The following HCLS1 variants were observed in gnomAD, a reference collection of about 807,000 sequenced individuals.
The protein encoded by HCLS1 is hematopoietic cell-specific Lyn substrate 1.
In HCLS1, 44 loss-of-function variants were observed where a neutral mutation model predicts 68.6. The observed-to-expected ratio is 0.64, with a 90% CI of 0.50 to 0.82. The LOEUF (loss-of-function observed/expected upper bound fraction) is 0.82. HCLS1 is among the 40% of genes least tolerant of loss of function. The probability of loss-of-function intolerance (pLI) is 0.00; values close to 1 mark genes in which losing one functional copy is unlikely to be tolerated. For missense variants in HCLS1, 602 were observed against 612.1 expected, an observed-to-expected ratio of 0.98 and a Z score of 0.17; for synonymous variants, 217 against 225.8, an observed-to-expected ratio of 0.96 and a Z score of 0.35.
chr3:121,654,916 A>G (rs116536179), intron 3 of HCLS1, among the ~76,000 whole-genome samples: 15 of 152,306 alleles, frequency 9.8e-5, no homozygotes, highest in African/African-American at 3.4e-4. Flanking sequence ...CAAATAGTGG[A>G]GACTTACTAC....
chr3:121,643,626 G>C (rs2049220550), intron 5 of HCLS1: 1 of 152,292 alleles, frequency 6.6e-6, no homozygotes, highest in Non-Finnish European at 1.5e-5. Flanking sequence ...TCTGGGACTG[G>C]ATATGTTGCC....
At chr3:121,637,477 T>A (rs1213458046) in intron 6 of HCLS1, among the ~76,000 whole-genome samples, 1 of 151,976 alleles carries the variant, frequency 6.6e-6, no homozygotes, top group Admixed American at 6.6e-5. Flanking sequence ...CATGCCAAGA[T>A]GAGAAGAACA....
At chr3:121,637,572 T>C (rs2049162181) in intron 6 of HCLS1, among the ~76,000 whole-genome samples, 1 of 151,346 alleles carries the variant, frequency 6.6e-6, no homozygotes, top group Non-Finnish European at 1.5e-5. Context: ...ATACATGAAA[T>C]GTATGCCTTT....
In HCLS1 at chr3:121,634,407, T is replaced by C. The variant is rs2070179; in HGVS notation, c.703A>G (p.Thr235Ala). 0.74 allele frequency: 1,187,480 copies of C among 1,612,146 alleles called. 442,380 individuals are homozygous for C. The highest frequency in any genetic ancestry group is 0.85 in the East Asian group (38,042 of 44,870). The change falls in exon 10 of 14, where the codon ACC (threonine) becomes GCC (alanine). Residue 235 changes from threonine (T) to alanine (A), a missense_variant. Physicochemically the swap from Thr to Ala is moderately conservative, Grantham distance 58. Transcript: ENST00000314583. ...TTPIEAASSGTRGLKAKFESM... is the reference protein window; with the variant it reads ...TTPIEAASSGARGLKAKFESM... ...TCAAATTTCGCCTTCAGCCCACGGG[T>C]ACCACTAGAAGCTGCAGACACAGGC...
At chr3:121,648,903 A>T (rs767382603) in intron 3 of HCLS1, among the ~76,000 whole-genome samples, 1 of 152,206 alleles carries the variant, frequency 6.6e-6, no homozygotes, top group Non-Finnish European at 1.5e-5. Context: ...ATAAGCTACT[A>T]GTACCAAGGA....
In HCLS1 at chr3:121,634,379, G is replaced by T; in HGVS notation, c.731C>A (p.Ser244Tyr). 1 of 1,614,106 alleles carries T rather than the reference G, an allele frequency of 6.2e-7. No homozygotes were observed. The highest frequency in any genetic ancestry group is 8.5e-7 in the Non-Finnish European group (1 of 1,179,990). The change falls in exon 10 of 14, where the codon TCC becomes TAC. Residue 244 changes from serine (S) to tyrosine (Y), a missense_variant. Ser to Tyr is a moderately radical substitution (Grantham distance 144). Transcript: ENST00000314583. ...GTRGLKAKFE[S>Y]MAEEKRKREE... is the part of the protein sequence containing the mutation. ...TCGCTTCCTCTTCTCCTCAGCCATG[G>T]ACTCAAATTTCGCCTTCAGCCCACG... is the stretch of plus-strand genomic sequence containing the variant.
At chr3:121,643,251 C>A (rs1351451131) in intron 5 of HCLS1, 2 of 295,278 alleles carry the variant, frequency 6.8e-6, no homozygotes, top group Non-Finnish European at 1.3e-5. Context: ...ATTACTAAGC[C>A]CCAGTCTCTT....
intron 3 of HCLS1, among the ~76,000 whole-genome samples, chr3:121,652,391 C>T (rs559380859): frequency 6.6e-5 from 10 of 152,296 alleles, no homozygotes; most frequent in Admixed American, 2.0e-4. Context: ...TGGTGGCTTA[C>T]ACCTGTAATC....
chr3:121,644,669 A>C (rs2049228714), intron 5 of HCLS1, 149 bp downstream of exon 5: 1 of 740,990 alleles, frequency 1.3e-6, no homozygotes, highest in South Asian at 1.4e-5. Context: ...GAACTTGCTG[A>C]GGGAGGTATC....
intron 6 of HCLS1, among the ~76,000 whole-genome samples, chr3:121,642,434 A>C (rs2049210153): frequency 6.6e-6 from 1 of 152,080 alleles, no homozygotes; most frequent in Non-Finnish European, 1.5e-5. Flanking sequence ...GTGCCACTGC[A>C]CTCTAGCCTG....
In HCLS1 at chr3:121,633,235, A is replaced by G; in HGVS notation, c.904-64T>C. 4.1e-6 allele frequency: 4 copies of G among 973,064 alleles called. No homozygotes were observed. In the South Asian group the frequency reaches 6.0e-5, roughly 15 times the overall value. 60.3% of individuals were successfully genotyped at this position (973,064 alleles called of 1,614,324 possible). On this transcript the variant is annotated intron_variant, in intron 10 of 13. Coordinates refer to ENST00000314583, the MANE Select transcript of HCLS1 (RefSeq NM_005335.6). ...CATCTTCACTCCTTTTTTTTTTTTG[A>G]GATAGACTCTCGCTCTGTAGCCCAG...
chr3:121,641,281 A>G (rs1005773278), intron 6 of HCLS1, among the ~76,000 whole-genome samples: 2 of 152,220 alleles, frequency 1.3e-5, no homozygotes, highest in Non-Finnish European at 1.5e-5. Context: ...GTCAGAGACG[A>G]TGAAATAAGA....
At chr3:121,639,840 A>G (rs1468958294) in intron 6 of HCLS1, among the ~76,000 whole-genome samples, 1 of 152,208 alleles carries the variant, frequency 6.6e-6, no homozygotes, top group Non-Finnish European at 1.5e-5. Context: ...TCAATTATCT[A>G]AGTTTCTACT....
intron 6 of HCLS1, 81 bp downstream of exon 6, chr3:121,642,846 G>A: frequency 9.2e-7 from 1 of 1,082,302 alleles, no homozygotes; most frequent in Non-Finnish European, 1.4e-6. Context: ...AAAAGCTGAT[G>A]ACAACTGCTG....
chr3:121,653,097 TA>T (rs1560143929), intron 3 of HCLS1, among the ~76,000 whole-genome samples: 1 of 152,180 alleles, frequency 6.6e-6, no homozygotes. Flanking sequence ...GACCCATGTG[TA>T]AACAGGAAAT....
chr3:121,657,217 C>A (rs370618550), intron 3 of HCLS1, 62 bp downstream of exon 3: 399 of 1,415,778 alleles, frequency 2.8e-4, no homozygotes, highest in Non-Finnish European at 3.8e-4. Context: ...CCCAAGTCTC[C>A]GAGTTTTCTT....
At chr3:121,643,231 G>A (rs866941731) in intron 5 of HCLS1, 15 of 348,782 alleles carry the variant, frequency 4.3e-5, no homozygotes, top group African/African-American at 2.3e-4. Context: ...GTTTAAGCAC[G>A]TTCCTTTATA....
chr3:121,637,104 C>T (rs771511453), intron 7 of HCLS1, 42 bp downstream of exon 7: 1 of 1,324,742 alleles, frequency 7.5e-7, no homozygotes, highest in South Asian at 1.2e-5. Flanking sequence ...GAAGGAGATC[C>T]CTGTGCTATC....
chr3:121,632,509 C>T lies in HCLS1; in HGVS notation c.1063G>A (p.Glu355Lys). The T allele has an allele frequency of 6.2e-7, 1 of 1,613,930 alleles. No homozygotes were observed. Among genetic ancestry groups the T allele is most frequent in the Non-Finnish European group, 8.5e-7 (1 of 1,180,020 alleles). ...TCTGCTTCGTACACTGGCTCTTCCT[C>T]CACCTGGAGGCCTTCCAGAGTCCTA... The part of the protein sequence containing the change: ...PPRTLEGLQV[E>K]EEPVYEAEPE... The change falls in exon 12 of 14, where the codon GAG becomes AAG. Residue 355 changes from glutamate (E) to lysine (K), a missense_variant. Coordinates refer to ENST00000314583, the MANE Select transcript of HCLS1 (RefSeq NM_005335.6).
Sources: allele counts gnomAD v4.1 joint callset (sites outside exome capture counted in the v4.1 genomes callset), GRCh38; gene constraint gnomAD v4.1.1; transcripts MANE v1.5; gene names NCBI Gene and HGNC (gene_info 2026-07-23, HGNC 2026-07-21).